DCAF5: variants seen among roughly 807,000 people sequenced by gnomAD.
DCAF5 encodes the protein DDB1- and CUL4-associated factor 5.
A neutral mutation model predicts 80.7 loss-of-function variants in DCAF5; 9 were observed. The observed-to-expected ratio is 0.11, with a 90% CI of 0.07 to 0.19. The LOEUF is 0.19. DCAF5 is among the 10% of genes least tolerant of loss of function. The pLI, the probability that DCAF5 is intolerant of heterozygous loss-of-function variation, is 1.00. For missense variants in DCAF5, 842 were observed against 1,205.7 expected (o/e 0.70, Z 4.47); for synonymous variants, 433 against 461.9 (o/e 0.94, Z 0.80).
chr14:69,065,155 T>C (rs2038384792), intron 7 of DCAF5, among the ~76,000 whole-genome samples: 1 of 143,286 alleles, frequency 7.0e-6, no homozygotes. Flanking sequence ...TGGAGTGCAG[T>C]GGCTCGATCT....
intron 7 of DCAF5, among the ~76,000 whole-genome samples, chr14:69,069,735 A>C (rs898042802): frequency 6.6e-6 from 1 of 152,106 alleles, no homozygotes. Context: ...TCAGCCTCCC[A>C]AAGTGCCAGG....
chr14:69,151,689 G>A (rs909594280), intron 1 of DCAF5, among the ~76,000 whole-genome samples: 4 of 152,084 alleles, frequency 2.6e-5, no homozygotes, highest in African/African-American at 7.2e-5. Flanking sequence ...CGCGACCCCA[G>A]GGAGGAGGGG....
At chr14:69,058,876 CAA>C (rs541099480) in intron 8 of DCAF5, among the ~76,000 whole-genome samples, 36 of 54,820 alleles carry the variant, frequency 6.6e-4, no homozygotes, top group Admixed American at 1.4e-3. Context: ...GATCCTGTCT[CAA>C]AAAAAAAAAA....
chr14:69,070,267 G>C (rs944854096), intron 7 of DCAF5, among the ~76,000 whole-genome samples: 7 of 152,124 alleles, frequency 4.6e-5, no homozygotes, highest in African/African-American at 1.7e-4. Flanking sequence ...ATTTTCAAGA[G>C]ACACCTACCA....
At chr14:69,116,290 C>T in intron 5 of DCAF5, 76 bp downstream of exon 5, 1 of 1,535,940 alleles carries the variant, frequency 6.5e-7, no homozygotes, top group African/African-American at 1.4e-5. Context: ...GTCCTTACAA[C>T]ACTTACTGGC....
intron 6 of DCAF5, chr14:69,084,612 G>T: frequency 1.0e-5 from 9 of 887,838 alleles, no homozygotes; most frequent in South Asian, 1.5e-5. Flanking sequence ...TCTGAAAAGA[G>T]ATTCCTTCTA....
rs201467372 is a variant in DCAF5 at position 69,054,167 on chromosome 14, C to G, written c.2519G>C (p.Arg840Pro). The G allele has an allele frequency of 1.9e-6, 3 of 1,614,182 alleles. No individual in the cohort carries two copies. The African/African-American group carries it at 4.0e-5, about 22-fold the overall frequency. ...CCCGTTATTGTGAGGGTGAGGGGGA[C>G]GAGGGTGTAAGCGTCCATTGTTGTG... ...ANHNNGRLHP[R>P]PPHPHNNGQN... The change falls in exon 9 of 9, where the codon CGT becomes CCT. Residue 840 changes from arginine to proline, a missense_variant. Coordinates refer to ENST00000341516, the MANE Select transcript of DCAF5 (RefSeq NM_003861.3).
chr14:69,063,094 G>C (rs948688230), intron 7 of DCAF5, among the ~76,000 whole-genome samples: 7 of 152,126 alleles, frequency 4.6e-5, no homozygotes, highest in Non-Finnish European at 2.9e-5. Context: ...GATATAGAAA[G>C]AAAGAAAAAT....
chr14:69,102,280 T>C (rs561151585), intron 5 of DCAF5, among the ~76,000 whole-genome samples: 7 of 151,936 alleles, frequency 4.6e-5, no homozygotes, highest in Non-Finnish European at 8.8e-5. Flanking sequence ...GGCTAATTTT[T>C]GTATTTTTAG....
At chr14:69,091,624 A>G in intron 6 of DCAF5, 50 bp downstream of exon 6, 1 of 1,525,768 alleles carries the variant, frequency 6.6e-7, no homozygotes, top group Non-Finnish European at 9.0e-7. Context: ...AGAAAGAACA[A>G]TCAGAAAGAA....
rs773247873 is a variant in DCAF5 at position 69,075,355 on chromosome 14, A to G, written c.936T>C (p.Asp312=). 2 of 1,605,834 alleles carry G rather than the reference A, an allele frequency of 1.2e-6. No individual in the cohort carries two copies. Among genetic ancestry groups the G allele is most frequent in the East Asian group, 2.2e-5 (1 of 44,812 alleles). ...FNLYMWRIPA[D]PEAGGIGRVV... is the part of the protein sequence containing the mutation. ...GAAGGATATACTTGCCTGCTTCTGG[A>G]TCTGCAGGAATTCTCCACATGTACA... is the stretch of plus-strand genomic sequence containing the variant. The change falls in exon 7 of 9, where the codon GAT becomes GAC. Residue 312 remains aspartate (D), a synonymous_variant. Transcript: ENST00000341516.
At chr14:69,151,388 G>A (rs1004197265) in intron 1 of DCAF5, among the ~76,000 whole-genome samples, 12 of 152,292 alleles carry the variant, frequency 7.9e-5, no homozygotes, top group South Asian at 2.1e-4. Context: ...ACTTCCGAAG[G>A]TTACTCGCGA....
intron 1 of DCAF5, among the ~76,000 whole-genome samples, chr14:69,149,149 A>G (rs146675519): frequency 3.9e-5 from 6 of 152,330 alleles, no homozygotes; most frequent in African/African-American, 1.4e-4. Flanking sequence ...AGTTCTCACA[A>G]CAAGCCCCTC....
intron 5 of DCAF5, among the ~76,000 whole-genome samples, chr14:69,100,841 T>C (rs2039928164): frequency 6.6e-6 from 1 of 152,184 alleles, no homozygotes; most frequent in South Asian, 2.1e-4. Context: ...AGTCCCTATC[T>C]AAAATATGTG....
At chr14:69,114,667 G>T (rs1485066638) in intron 5 of DCAF5, among the ~76,000 whole-genome samples, 1 of 152,060 alleles carries the variant, frequency 6.6e-6, no homozygotes, top group Non-Finnish European at 1.5e-5. Flanking sequence ...ATCTGGAGAT[G>T]GAACTTGTTT....
intron 1 of DCAF5, among the ~76,000 whole-genome samples, chr14:69,140,951 C>T (rs919232823): frequency 3.3e-5 from 5 of 151,802 alleles, no homozygotes; most frequent in East Asian, 1.9e-4. Context: ...CTGGCCAACA[C>T]GGTGAAACCC....
intron 4 of DCAF5, 141 bp from the exon 5 acceptor site, chr14:69,116,636 C>A: frequency 3.2e-6 from 3 of 928,298 alleles, no homozygotes; most frequent in Non-Finnish European, 4.8e-6. Context: ...AGCACATAAT[C>A]CCACCAGTCA....
At chr14:69,058,602 T>C (rs1594925845) in intron 8 of DCAF5, among the ~76,000 whole-genome samples, 1 of 151,382 alleles carries the variant, frequency 6.6e-6, no homozygotes, top group Admixed American at 6.6e-5. Flanking sequence ...GAGCCAGGCG[T>C]GGTGGCTCAC....
In DCAF5 at chr14:69,053,536, CACAAGA is replaced by C. The variant is rs2037827665; in HGVS notation, c.*315_*320del. 3.6e-6 allele frequency: 1 copy of C among 275,910 alleles called. No individual in the cohort carries two copies. The allele number at this position is 275,910 out of a possible 1,614,324, so 17.1% of individuals were successfully genotyped here. A position where few individuals can be genotyped will look rare whatever the true frequency, so the allele number is the denominator to read the frequency against. The stretch of plus-strand genomic sequence containing the variant: ...AAGCGCACACGTGCCATTGTGCGTA[CACAAGA>C]ACAAGTCGAACGTCTCAACAAAGAT... On this transcript the variant is annotated 3_prime_UTR_variant, in exon 9 of 9. Coordinates refer to ENST00000341516, the MANE Select transcript of DCAF5 (RefSeq NM_003861.3).
Sources: gnomAD v4.1 joint callset for allele counts (sites outside exome capture counted in the v4.1 genomes callset) on GRCh38, gnomAD v4.1.1 for gene constraint, MANE v1.5 for transcripts, NCBI Gene and HGNC (gene_info 2026-07-23, HGNC 2026-07-21) for gene names.